The following CATSPERG variants were observed in gnomAD, a reference collection of about 807,000 sequenced individuals.
CATSPERG encodes the protein cation channel sperm-associated auxiliary subunit gamma.
Under a neutral mutation model 145.0 loss-of-function variants are expected in CATSPERG, and 115 were observed. The ratio of observed to expected loss-of-function variants is 0.79; its 90% CI spans 0.68 to 0.93. The LOEUF is 0.93. Ranked by LOEUF, CATSPERG falls within the 40% of genes least tolerant of loss-of-function variation. CATSPERG has a pLI of 0.00. For missense variants in CATSPERG, 1,296 were observed against 1,490.1 expected (o/e 0.87, Z 2.14); for synonymous variants, 588 against 589.0 (o/e 1.00, Z 0.02).
Position 38,360,836 on chromosome 19 carries a change from C to T in CATSPERG, c.1873C>T (p.Arg625Trp), listed in dbSNP as rs775823317. The T allele has an allele frequency of 3.1e-6, 5 of 1,609,422 alleles. No homozygotes were observed. The highest frequency in any genetic ancestry group is 2.7e-5 in the African/African-American group (2 of 74,838). The change falls in exon 16 of 29, where the codon CGG becomes TGG. Residue 625 changes from arginine to tryptophan, a missense_variant. Physicochemically the swap from Arg to Trp is moderately radical, Grantham distance 101 (BLOSUM62 -3). Transcript: ENST00000409235. ...GCACACCAGCCACTATGACTTGGAG[C>T]GGAAAGGGTGAGAAGACACCGGACC... ...QQHTSHYDLE[R>W]KGGYLMLSFI...
chr19:38,337,724 A>G, intron 3 of CATSPERG, 78 bp downstream of exon 3: 1 of 1,317,104 alleles, frequency 7.6e-7, no homozygotes, highest in Non-Finnish European at 1.0e-6. Context: ...TTATTTATTT[A>G]TTTTATTTTT....
At position 38,362,407 on chromosome 19, in the gene CATSPERG, G is replaced by C. The variant is rs201400480; in HGVS notation, c.2189G>C (p.Arg730Pro). The change falls in exon 19 of 29, where the codon CGA becomes CCA. Residue 730 changes from arginine (R) to proline (P), a missense_variant. By Grantham distance (103) the Arg-to-Pro change is moderately radical (BLOSUM62 -2). Coordinates refer to ENST00000409235, the MANE Select transcript of CATSPERG (RefSeq NM_021185.5). ...DYYFFLASNWRSAGGVSIEMD... is the reference protein window; with the variant it reads ...DYYFFLASNWPSAGGVSIEMD... Reference sequence around the variant, plus strand: ...TACTTCTTCTTGGCGAGCAATTGGCGAAGCGCGGGCGGCGTGTCCATAGAA... The same window carrying C: ...TACTTCTTCTTGGCGAGCAATTGGCCAAGCGCGGGCGGCGTGTCCATAGAA... 1 of 1,614,156 alleles carries C rather than the reference G, an allele frequency of 6.2e-7. No individual in the cohort carries two copies. The highest frequency in any genetic ancestry group is 1.1e-5 in the South Asian group (1 of 91,088).
At chr19:38,362,888 T>A in intron 20 of CATSPERG, 56 bp downstream of exon 20, 1 of 1,269,346 alleles carries the variant, frequency 7.9e-7, no homozygotes, top group Non-Finnish European at 1.1e-6. Flanking sequence ...TTTTTTTTTT[T>A]TTTTTTTGGA....
At chr19:38,350,579 A>G (rs2145081292) in intron 7 of CATSPERG, among the ~76,000 whole-genome samples, 1 of 152,170 alleles carries the variant, frequency 6.6e-6, no homozygotes, top group Non-Finnish European at 1.5e-5. Flanking sequence ...GGATTTCACC[A>G]TGTTAGCCAG....
rs1458453593 is a variant in CATSPERG at position 38,344,136 on chromosome 19, C to T, written c.596+17C>T. On this transcript the variant is annotated intron_variant, in intron 5 of 28. Transcript: ENST00000409235. ...AGATAAAAGGTACCCTTTCCCAAGACGGGGGCTGGGGTGGACTCCGGGGGA... is the reference window on the plus strand; with the variant it reads ...AGATAAAAGGTACCCTTTCCCAAGATGGGGGCTGGGGTGGACTCCGGGGGA... The T allele has an allele frequency of 1.1e-5, 17 of 1,551,334 alleles. No homozygotes were observed. Among genetic ancestry groups the T allele is most frequent in the Middle Eastern group, 1.7e-4 (1 of 6,008 alleles).
intron 26 of CATSPERG, among the ~76,000 whole-genome samples, chr19:38,369,295 C>T (rs999311724): frequency 6.6e-6 from 1 of 151,888 alleles, no homozygotes; most frequent in Admixed American, 6.6e-5. Context: ...GAGTCTTGCT[C>T]CGTCACCCAG....
At chr19:38,345,478 C>G (rs1970025682) in intron 6 of CATSPERG, among the ~76,000 whole-genome samples, 1 of 151,794 alleles carries the variant, frequency 6.6e-6, no homozygotes, top group South Asian at 2.1e-4. Flanking sequence ...CAGGCGTGAG[C>G]CACTGTGCCC....
chr19:38,357,670 G>A (rs1472149219), intron 11 of CATSPERG, among the ~76,000 whole-genome samples: 1 of 152,066 alleles, frequency 6.6e-6, no homozygotes, highest in African/African-American at 2.4e-5. Flanking sequence ...TACAAAAATT[G>A]GCCGGGCACG....
chr19:38,358,953 G>A (rs1344449806), intron 13 of CATSPERG, among the ~76,000 whole-genome samples: 4 of 152,026 alleles, frequency 2.6e-5, no homozygotes, highest in Admixed American at 6.6e-5. Flanking sequence ...AGATTCAAGC[G>A]ATTCTCCTGC....
rs757106735 is a variant in CATSPERG, at chr19:38,362,503, A to G, written c.2285A>G (p.Lys762Arg). ...YELPERIFLD[K>R]GTEYSFAIFL... Reference sequence around the variant, plus strand: ...CTGCCGGAGCGCATTTTCCTGGACAAGGGCACTGAGTACAGCTTCGCCATC... The same window carrying G: ...CTGCCGGAGCGCATTTTCCTGGACAGGGGCACTGAGTACAGCTTCGCCATC... The change falls in exon 19 of 29, where the codon AAG becomes AGG. Residue 762 changes from lysine (K) to arginine (R), a missense_variant. Transcript: ENST00000409235. The G allele has an allele frequency of 1.2e-6, 2 of 1,613,926 alleles. No homozygotes were observed. The highest frequency in any genetic ancestry group is 1.7e-6 in the Non-Finnish European group (2 of 1,180,034).
At chr19:38,351,873 C>G (rs1243717109) in intron 7 of CATSPERG, among the ~76,000 whole-genome samples, 2 of 152,166 alleles carry the variant, frequency 1.3e-5, no homozygotes, top group African/African-American at 2.4e-5. Context: ...GATCATACCA[C>G]TCCAGCCTGG....
At chr19:38,364,678 G>A (rs1035075340) in intron 20 of CATSPERG, among the ~76,000 whole-genome samples, 6 of 152,228 alleles carry the variant, frequency 3.9e-5, no homozygotes, top group African/African-American at 9.6e-5. Context: ...CCGGCACCTC[G>A]GGAGGCCGAG....
intron 26 of CATSPERG, among the ~76,000 whole-genome samples, chr19:38,368,951 C>A (rs1568384796): frequency 6.6e-6 from 1 of 152,246 alleles, no homozygotes; most frequent in Non-Finnish European, 1.5e-5. Context: ...GCACATGCCA[C>A]CATGCCCGGT....
intron 6 of CATSPERG, 32 bp downstream of exon 6, chr19:38,344,400 G>A (rs1402095755): frequency 6.5e-7 from 1 of 1,537,752 alleles, no homozygotes; most frequent in East Asian, 2.4e-5. Flanking sequence ...AAAAGACAAT[G>A]GTCTGGGCCT....
intron 16 of CATSPERG, 48 bp from the exon 17 acceptor site, chr19:38,361,600 C>G: frequency 6.8e-7 from 1 of 1,476,658 alleles, no homozygotes. Flanking sequence ...GCTTCCAGTG[C>G]GCGGGGTGCC....
chr19:38,359,541 C>A lies in CATSPERG; in HGVS notation c.1568C>A (p.Ser523Ter). 6.2e-7 allele frequency: 1 copy of A among 1,613,742 alleles called. No homozygotes were observed. The highest frequency in any genetic ancestry group is 1.1e-5 in the South Asian group (1 of 91,066). The change falls in exon 14 of 29, where the codon TCG becomes TAG. Residue 523 changes from serine to a stop codon, truncating the protein, a stop_gained. Transcript: ENST00000409235. LOFTEE classifies it high-confidence loss of function. Reference sequence around the variant, plus strand: ...CTGTCCATCAAATACATGGCCAGATCGTTCCGTGGGGCTGTGGCTATTGTC... The same window carrying A: ...CTGTCCATCAAATACATGGCCAGATAGTTCCGTGGGGCTGTGGCTATTGTC... ...KELSIKYMAR[S>*]FRGAVAIVTE... is the part of the protein sequence containing the mutation.
Position 38,337,272 on chromosome 19 carries a change from G to A in CATSPERG, c.38G>A (p.Trp13Ter). ...GCCATGTTCCCTGCCGGTCCTCCGT[G>A]GCCCAGAGTCCGAGTCGTGCAGGTG... is the stretch of plus-strand genomic sequence containing the variant. ...GPAMFPAGPP[W>*]PRVRVVQVLW... Residue 13 changes from tryptophan to a stop codon, truncating the protein, a stop_gained, in exon 2 of 29, where the codon TGG becomes TAG. Coordinates refer to ENST00000409235, the MANE Select transcript of CATSPERG (RefSeq NM_021185.5). LOFTEE classifies it high-confidence loss of function. 6.4e-7 allele frequency: 1 copy of A among 1,551,458 alleles called. No individual in the cohort carries two copies. Among genetic ancestry groups the A allele is most frequent in the Non-Finnish European group, 8.7e-7 (1 of 1,147,008 alleles).
chr19:38,358,160 G>T lies in CATSPERG; in HGVS notation c.1316-118G>T, dbSNP rs1298769726. On this transcript the variant is annotated intron_variant, in intron 11 of 28. Coordinates refer to ENST00000409235, the MANE Select transcript of CATSPERG (RefSeq NM_021185.5). ...AGAAACTCTAAGGACTAGCAAACCCGAGTGGGAAGCTCTTTGGAGGGTTTT... is the reference window on the plus strand; with the variant it reads ...AGAAACTCTAAGGACTAGCAAACCCTAGTGGGAAGCTCTTTGGAGGGTTTT... The T allele has an allele frequency of 1.4e-5, 13 of 938,200 alleles. No individual in the cohort carries two copies. The African/African-American group carries it at 2.2e-4, about 16-fold the overall frequency. The allele number at this position is 938,200 out of a possible 1,614,324, so 58.1% of individuals were successfully genotyped here.
At chr19:38,344,634 G>T (rs1473522777) in intron 6 of CATSPERG, among the ~76,000 whole-genome samples, 1 of 151,788 alleles carries the variant, frequency 6.6e-6, no homozygotes, top group Non-Finnish European at 1.5e-5. Context: ...GAAGTTATCT[G>T]TCTGACTCCT....
Sources: gnomAD v4.1 joint callset for allele counts (sites outside exome capture counted in the v4.1 genomes callset) on GRCh38, gnomAD v4.1.1 for gene constraint, MANE v1.5 for transcripts, NCBI Gene and HGNC (gene_info 2026-07-23, HGNC 2026-07-21) for gene names.